The following MAP3K14 variants were observed in gnomAD, a reference collection of about 807,000 sequenced individuals.
MAP3K14 encodes the protein NF-kappa-beta-inducing kinase.
Under a neutral mutation model 99.2 loss-of-function variants are expected in MAP3K14, and 16 were observed. That is an observed-to-expected ratio of 0.16 (90% CI 0.11 to 0.24). The LOEUF (loss-of-function observed/expected upper bound fraction) is 0.24. Among genes scored for constraint, MAP3K14 ranks in the 10% least tolerant of loss-of-function variants. The pLI is 1.00. For synonymous variants in MAP3K14, 462 were observed against 492.4 expected (o/e 0.94, Z 0.82); for missense variants, 784 against 1,208.7 (o/e 0.65, Z 5.21).
At chr17:45,302,152 T>C (rs2044393794) in intron 1 of MAP3K14, among the ~76,000 whole-genome samples, 1 of 141,814 alleles carries the variant, frequency 7.1e-6, no homozygotes, top group Non-Finnish European at 1.5e-5. Context: ...TTTTAACAGA[T>C]AATGTTTCTA....
intron 1 of MAP3K14, among the ~76,000 whole-genome samples, chr17:45,306,516 T>C (rs1003314482): frequency 2.0e-5 from 3 of 152,184 alleles, no homozygotes; most frequent in African/African-American, 7.2e-5. Flanking sequence ...GTGGTGGGCC[T>C]GTGTTCCTCA....
At chr17:45,301,249 A>G (rs1568000018) in intron 1 of MAP3K14, among the ~76,000 whole-genome samples, 1 of 152,140 alleles carries the variant, frequency 6.6e-6, no homozygotes, top group Non-Finnish European at 1.5e-5. Flanking sequence ...AGATCACCTG[A>G]GGTCAGGAGT....
intron 1 of MAP3K14, among the ~76,000 whole-genome samples, chr17:45,313,076 G>C (rs2044496686): frequency 6.6e-6 from 1 of 152,142 alleles, no homozygotes; most frequent in Admixed American, 6.6e-5. Flanking sequence ...AGCCTCATTT[G>C]GAGTATGGTG....
At chr17:45,301,494 T>C (rs1314055844) in intron 1 of MAP3K14, among the ~76,000 whole-genome samples, 1 of 151,846 alleles carries the variant, frequency 6.6e-6, no homozygotes, top group Non-Finnish European at 1.5e-5. Flanking sequence ...AGTATTTCTA[T>C]AACAGTAAAA....
Position 45,267,188 on chromosome 17 carries a change from G to C in MAP3K14, c.2337C>G (p.Leu779=). 6.3e-7 allele frequency: 1 copy of C among 1,592,718 alleles called. No individual in the cohort carries two copies. Among genetic ancestry groups the C allele is most frequent in the Non-Finnish European group, 8.6e-7 (1 of 1,169,140 alleles). ...GAGAAAATGGCTGGGACAGGCTGTT[G>C]AGGAATAATTCTGCAGGGAAAAGTG... ...ELQQLEIELF[L]NSLSQPFSLE... is the part of the protein sequence containing the mutation. Residue 779 remains leucine, a synonymous_variant, in exon 13 of 16, where the codon CTC becomes CTG. Coordinates refer to ENST00000344686, the MANE Select transcript of MAP3K14 (RefSeq NM_003954.5). The surrounding 1 kb of genome is among the most constrained non-coding windows in gnomAD (Gnocchi z 5.1).
intron 1 of MAP3K14, among the ~76,000 whole-genome samples, chr17:45,293,726 C>A (rs1338541770): frequency 6.6e-6 from 1 of 152,222 alleles, no homozygotes; most frequent in East Asian, 1.9e-4. Flanking sequence ...ATGACTCAGA[C>A]CCTCACCGAC....
chr17:45,265,627 G>A (rs1370404037), intron 14 of MAP3K14, among the ~76,000 whole-genome samples: 11 of 99,980 alleles, frequency 1.1e-4, no homozygotes, highest in Non-Finnish European at 2.0e-4. Flanking sequence ...TAGTAGAGAC[G>A]GGGTTTCACC....
At chr17:45,274,369 A>G (rs1009710048) in intron 7 of MAP3K14, 95 bp downstream of exon 7, 1 of 1,582,568 alleles carries the variant, frequency 6.3e-7, no homozygotes, top group African/African-American at 1.3e-5. Flanking sequence ...AGAGGTTAAC[A>G]ATGGATAGAT....
chr17:45,273,530 C>G lies in MAP3K14; in HGVS notation c.1630G>C (p.Asp544His). The G allele has an allele frequency of 6.2e-7, 1 of 1,612,448 alleles. No homozygotes were observed. The highest frequency in any genetic ancestry group is 8.5e-7 in the Non-Finnish European group (1 of 1,178,932). ...GTGAGCAAGGACTTTCCCAGGCCAT[C>G]AGGTTGAAGACACACAGCATGGCCA... ...DFGHAVCLQP[D>H]GLGKSLLTGD... Residue 544 changes from aspartate (D) to histidine (H), a missense_variant, in exon 9 of 16, where the codon GAT becomes CAT. Asp to His is a moderately conservative substitution (Grantham distance 81). Coordinates refer to ENST00000344686, the MANE Select transcript of MAP3K14 (RefSeq NM_003954.5).
chr17:45,289,280 G>A lies in MAP3K14; in HGVS notation c.282C>T (p.Pro94=), dbSNP rs1192745697. 7 of 1,613,866 alleles carry A rather than the reference G, an allele frequency of 4.3e-6. No individual in the cohort carries two copies. Among genetic ancestry groups the A allele is most frequent in the East Asian group, 2.2e-5 (1 of 44,904 alleles). ...CGATGAAAATGCGTTCTGAAAAGGT[G>A]GGGCTGAACTCTTGGCTATTCTCAC... ...AECENSQEFS[P]TFSERIFIAG... is the part of the protein sequence containing the mutation. Residue 94 remains proline, a synonymous_variant, in exon 3 of 16, where the codon CCC becomes CCT. Coordinates refer to ENST00000344686, the MANE Select transcript of MAP3K14 (RefSeq NM_003954.5).
chr17:45,276,823 C>CTTTTTTTT (rs35012373), intron 6 of MAP3K14, among the ~76,000 whole-genome samples: 1 of 62,258 alleles, frequency 1.6e-5, no homozygotes, highest in Non-Finnish European at 2.8e-5. Flanking sequence ...TCTTAGACTT[C>CTTTTTTTT]TTTTTTTTTT....
intron 6 of MAP3K14, among the ~76,000 whole-genome samples, chr17:45,277,108 G>A (rs765895411): frequency 8.5e-5 from 13 of 152,078 alleles, no homozygotes; most frequent in Admixed American, 2.6e-4. Flanking sequence ...GATTACAGGC[G>A]TGAGCCACTG....
intron 10 of MAP3K14, 90 bp from the exon 11 acceptor site, chr17:45,270,653 C>A: frequency 7.0e-7 from 1 of 1,429,168 alleles, no homozygotes; most frequent in South Asian, 1.5e-5. Flanking sequence ...CCCGCCGGCC[C>A]CTGTTCCCGC....
At chr17:45,311,213 T>A (rs544107756) in intron 1 of MAP3K14, among the ~76,000 whole-genome samples, 4 of 152,322 alleles carry the variant, frequency 2.6e-5, no homozygotes, top group South Asian at 4.1e-4. Flanking sequence ...CAGGCTATAA[T>A]CCTAACAGCT....
At chr17:45,282,116 T>C (rs2044228060) in intron 6 of MAP3K14, 1 of 152,176 alleles carries the variant, frequency 6.6e-6, no homozygotes, top group African/African-American at 2.4e-5. Context: ...TTTTACTCTT[T>C]TGTAGACATG....
At chr17:45,269,153 C>G (rs766642445) in intron 11 of MAP3K14, among the ~76,000 whole-genome samples, 8 of 152,030 alleles carry the variant, frequency 5.3e-5, no homozygotes, top group Non-Finnish European at 1.0e-4. Context: ...TAGGACTACA[C>G]GCATGTGCCA....
chr17:45,264,504 G>T lies in MAP3K14; in HGVS notation c.*132C>A. On this transcript the variant is annotated 3_prime_UTR_variant, in exon 16 of 16. Transcript: ENST00000344686. The stretch of plus-strand genomic sequence containing the variant: ...GCTTGCCCCCACCTTGCTGCTGCGA[G>T]GCCCTGGTCCCACTGCTGAGCCGGG... The T allele has an allele frequency of 8.7e-7, 1 of 1,147,472 alleles. No homozygotes were observed. Among genetic ancestry groups the T allele is most frequent in the Non-Finnish European group, 1.2e-6 (1 of 844,612 alleles). 71.1% of individuals were successfully genotyped at this position (1,147,472 alleles called of 1,614,324 possible). A position where few individuals can be genotyped will look rare whatever the true frequency, so the allele number is the denominator to read the frequency against.
intron 3 of MAP3K14, 133 bp downstream of exon 3, chr17:45,289,103 A>G: frequency 1.5e-6 from 1 of 675,424 alleles, no homozygotes. Flanking sequence ...AGCCTGGGTG[A>G]GTTCCAGGAG....
At position 45,266,579 on chromosome 17, in the gene MAP3K14, G is replaced by T. The variant is rs777939708; in HGVS notation, c.2536C>A (p.Leu846Met). Residue 846 changes from leucine to methionine, a missense_variant, in exon 14 of 16, where the codon CTG (leucine) becomes ATG (methionine). Transcript: ENST00000344686. ...EARSSSWNMVLARGRPTDTPS... is the reference protein window; with the variant it reads ...EARSSSWNMVMARGRPTDTPS... ...GTGTCGGTGGGCCGCCCCCGGGCCA[G>T]CACCATGTTCCAGCTGGAGCTTCGA... 6.2e-7 allele frequency: 1 copy of T among 1,613,452 alleles called. No individual in the cohort carries two copies. Among genetic ancestry groups the T allele is most frequent in the Admixed American group, 1.7e-5 (1 of 60,000 alleles).
Sources: gnomAD v4.1 joint callset for allele counts (sites outside exome capture counted in the v4.1 genomes callset) on GRCh38, gnomAD v4.1.1 for gene constraint, Gnocchi (gnomAD v3.1) non-coding constraint, MANE v1.5 for transcripts, NCBI Gene and HGNC (gene_info 2026-07-23, HGNC 2026-07-21) for gene names.